Variants in PCDHGA7 observed in about 807,000 individuals in gnomAD.
The protein encoded by PCDHGA7 is protocadherin gamma-A7.
A neutral mutation model predicts 58.3 loss-of-function variants in PCDHGA7; 44 were observed. The ratio of observed to expected loss-of-function variants is 0.75; its 90% CI spans 0.59 to 0.97. The LOEUF is 0.97. PCDHGA7 is among the 50% of genes least tolerant of loss of function. The pLI, the probability that PCDHGA7 is intolerant of heterozygous loss-of-function variation, is 0.00. For missense variants in PCDHGA7, 1,266 were observed against 1,188.7 expected (o/e 1.06, Z -0.96); for synonymous variants, 516 against 504.2 (o/e 1.02, Z -0.31).
intron 1 of PCDHGA7, chr5:141,428,358 G>C: frequency 1.8e-6 from 1 of 565,492 alleles, no homozygotes; most frequent in South Asian, 1.9e-5. Context: ...TGATTTTGGC[G>C]GTCGCCTTGC....
chr5:141,487,512 C>T lies in PCDHGA7; in HGVS notation c.2425-7295C>T, dbSNP rs372606253. The stretch of plus-strand genomic sequence containing the variant: ...TGTACACCCTTGGCTTCTGCACCCA[C>T]TCGGAGTGATAGCTTCATGATGGTG... On this transcript the variant is annotated intron_variant, in intron 1 of 3. Transcript: ENST00000518325. This position sits in a 1 kb window ranked among gnomAD's most constrained non-coding sequence, Gnocchi z 5.0. 3.7e-6 allele frequency: 6 copies of T among 1,614,082 alleles called. No homozygotes were observed. The highest frequency in any genetic ancestry group is 5.1e-6 in the Non-Finnish European group (6 of 1,180,044).
In PCDHGA7 at chr5:141,400,641, G is replaced by C. The variant is rs1427284697; in HGVS notation, c.2424+15318G>C. On this transcript the variant is annotated intron_variant, in intron 1 of 3. Coordinates refer to ENST00000518325, the MANE Select transcript of PCDHGA7 (RefSeq NM_018920.4). ...GTCTTAGGGAAGTCAGAGCTGCTCA[G>C]AAAGCTGTCCTACCATTCTTTAAGA... The C allele has an allele frequency of 9.3e-6, 12 of 1,288,952 alleles. No homozygotes were observed. The East Asian group carries it at 2.8e-4, about 30-fold the overall frequency. 79.8% of individuals were successfully genotyped at this position (1,288,952 alleles called of 1,614,324 possible). A position where few individuals can be genotyped will look rare whatever the true frequency, so the allele number is the denominator to read the frequency against.
At chr5:141,410,701 A>C in intron 1 of PCDHGA7, 2 of 1,471,660 alleles carry the variant, frequency 1.4e-6, no homozygotes, top group Non-Finnish European at 9.1e-7. Context: ...TTATTTTCAT[A>C]TCTAGAATCA....
chr5:141,420,135 A>T (rs2096469364), intron 1 of PCDHGA7: 1 of 1,614,026 alleles, frequency 6.2e-7, no homozygotes. Flanking sequence ...GTGCCTGGGG[A>T]TCAAATGAAT....
rs1275819200 is a variant in PCDHGA7, at chr5:141,491,620, A to G, written c.2425-3187A>G. 5 of 1,613,788 alleles carry G rather than the reference A, an allele frequency of 3.1e-6. No individual in the cohort carries two copies. Among genetic ancestry groups the G allele is most frequent in the Non-Finnish European group, 4.2e-6 (5 of 1,180,014 alleles). On this transcript the variant is annotated intron_variant, in intron 1 of 3. Coordinates refer to ENST00000518325, the MANE Select transcript of PCDHGA7 (RefSeq NM_018920.4). The surrounding 1 kb of genome is among the most constrained non-coding windows in gnomAD (Gnocchi z 6.9). ...TGACTTCACTTTTCTAAGACCCCTC[A>G]GCGTTCAGCAGCCCACAGCTCTGGC...
In PCDHGA7 at chr5:141,486,092, C is replaced by A; in HGVS notation, c.2425-8715C>A. Reference sequence around the variant, plus strand: ...TACTGGAAAGCTTACTCTTTTGGGGCCCCTAGACTTTGAGAGTGAGAATTA... The same window carrying A: ...TACTGGAAAGCTTACTCTTTTGGGGACCCTAGACTTTGAGAGTGAGAATTA... On this transcript the variant is annotated intron_variant, in intron 1 of 3. Coordinates refer to ENST00000518325, the MANE Select transcript of PCDHGA7 (RefSeq NM_018920.4). The surrounding 1 kb of genome is among the most constrained non-coding windows in gnomAD (Gnocchi z 5.0). 1.9e-6 allele frequency: 3 copies of A among 1,614,148 alleles called. No individual in the cohort carries two copies. Among genetic ancestry groups the A allele is most frequent in the Non-Finnish European group, 2.5e-6 (3 of 1,180,008 alleles).
At chr5:141,415,401 G>T in intron 1 of PCDHGA7, 2 of 1,614,206 alleles carry the variant, frequency 1.2e-6, no homozygotes, top group Non-Finnish European at 1.7e-6. Context: ...TGTCCGGCTC[G>T]CACTTTGTGG....
chr5:141,409,952 C>A (rs892751686), intron 1 of PCDHGA7: 2 of 1,613,350 alleles, frequency 1.2e-6, no homozygotes, highest in Non-Finnish European at 1.7e-6. Context: ...CTCTGCAGAG[C>A]CCGGCTACCT....
chr5:141,442,786 A>T (rs569050347), intron 1 of PCDHGA7, among the ~76,000 whole-genome samples: 12 of 152,308 alleles, frequency 7.9e-5, no homozygotes, highest in African/African-American at 2.6e-4. Context: ...TATATTTTAT[A>T]ATTTTACTTT....
intron 1 of PCDHGA7, chr5:141,414,584 C>G (rs1359132446): frequency 3.1e-6 from 5 of 1,613,956 alleles, no homozygotes; most frequent in Non-Finnish European, 4.2e-6. Context: ...GAGAACAACG[C>G]CAGGGGTGCC....
In PCDHGA7 at chr5:141,477,767, A is replaced by G. The variant is rs1178354274; in HGVS notation, c.2425-17040A>G. 6.2e-7 allele frequency: 1 copy of G among 1,613,906 alleles called. No homozygotes were observed. The highest frequency in any genetic ancestry group is 8.5e-7 in the Non-Finnish European group (1 of 1,180,038). On this transcript the variant is annotated intron_variant, in intron 1 of 3. Coordinates refer to ENST00000518325, the MANE Select transcript of PCDHGA7 (RefSeq NM_018920.4). The surrounding 1 kb of genome is among the most constrained non-coding windows in gnomAD (Gnocchi z 4.9). ...GGGCACCCCGGTCCTAGCCACCAAC[A>G]TCAGCGTGAACATATTTGTCACTGA...
intron 1 of PCDHGA7, chr5:141,479,186 T>C (rs956575218): frequency 3.3e-5 from 5 of 152,590 alleles, no homozygotes; most frequent in Admixed American, 3.3e-4. Flanking sequence ...GCTAGAAAAT[T>C]CAGAAAATAC....
chr5:141,420,840 T>A (rs2096528017), intron 1 of PCDHGA7, among the ~76,000 whole-genome samples: 1 of 152,250 alleles, frequency 6.6e-6, no homozygotes, highest in African/African-American at 2.4e-5. Flanking sequence ...TCGCAGGTGT[T>A]CTTGGTAAAG....
intron 1 of PCDHGA7, among the ~76,000 whole-genome samples, chr5:141,401,212 G>A (rs2094128608): frequency 6.6e-6 from 1 of 151,930 alleles, no homozygotes; most frequent in Non-Finnish European, 1.5e-5. Context: ...TGTGGTGGCG[G>A]GCGCCTGTAA....
In PCDHGA7 at chr5:141,476,229, C is replaced by T; in HGVS notation, c.2425-18578C>T. ...TCCACGGTCATTCACTATGAGATCC[C>T]GGAGGAAAGAGAGAAGGGTTTCGCT... On this transcript the variant is annotated intron_variant, in intron 1 of 3. Coordinates refer to ENST00000518325, the MANE Select transcript of PCDHGA7 (RefSeq NM_018920.4). The surrounding 1 kb of genome is among the most constrained non-coding windows in gnomAD (Gnocchi z 7.6). 1 of 1,613,872 alleles carries T rather than the reference C, an allele frequency of 6.2e-7. No individual in the cohort carries two copies. The highest frequency in any genetic ancestry group is 2.2e-5 in the East Asian group (1 of 44,822).
rs1384951887 is a variant in PCDHGA7, at chr5:141,465,860, T to C, written c.2425-28947T>C. ...AACTGAGGCTGGGCCCAGTGGCTCA[T>C]GCCTGTAATCCCAGCACTTTGGGAG... On this transcript the variant is annotated intron_variant, in intron 1 of 3. Coordinates refer to ENST00000518325, the MANE Select transcript of PCDHGA7 (RefSeq NM_018920.4). Among the ~76,000 whole-genome samples the C allele has an allele frequency of 2.0e-5, 3 of 152,114 alleles. No individual in the cohort carries two copies. The South Asian group carries it at 6.2e-4, about 32-fold the overall frequency.
intron 1 of PCDHGA7, chr5:141,475,890 G>C: frequency 1.8e-6 from 1 of 565,896 alleles, no homozygotes; most frequent in South Asian, 2.3e-5. Flanking sequence ...CTGGGACTCT[G>C]TGTGCCGCTG....
At chr5:141,462,497 T>C (rs1333421053) in intron 1 of PCDHGA7, among the ~76,000 whole-genome samples, 1 of 152,244 alleles carries the variant, frequency 6.6e-6, no homozygotes, top group Non-Finnish European at 1.5e-5. Flanking sequence ...TATCCTATAA[T>C]TGTCAACTAG....
chr5:141,417,632 C>T (rs1395400349), intron 1 of PCDHGA7: 3 of 714,288 alleles, frequency 4.2e-6, no homozygotes, highest in Non-Finnish European at 6.5e-6. Context: ...GCGCTGACGC[C>T]GGGGATCCCT....
Sources: gnomAD v4.1 joint callset for allele counts (sites outside exome capture counted in the v4.1 genomes callset) on GRCh38, gnomAD v4.1.1 for gene constraint, Gnocchi (gnomAD v3.1) non-coding constraint, MANE v1.5 for transcripts, NCBI Gene and HGNC (gene_info 2026-07-23, HGNC 2026-07-21) for gene names.